Variants in CDKL4 observed in about 807,000 individuals in gnomAD.
CDKL4 encodes the protein cyclin-dependent kinase-like 4.
CDKL4 carries 44 observed loss-of-function variants against 42.0 expected under a neutral mutation model. The ratio of observed to expected loss-of-function variants is 1.05; its 90% confidence interval spans 0.82 to 1.35. The LOEUF (loss-of-function observed/expected upper bound fraction) is 1.35, where lower values mean the gene tolerates loss of function less well. Ranked by LOEUF, CDKL4 falls within the 40% of genes most tolerant of loss-of-function variation. The pLI is 0.00. For missense variants in CDKL4, 393 were observed against 369.9 expected (o/e 1.06, Z -0.51); for synonymous variants, 120 against 121.6 (o/e 0.99, Z 0.09).
intron 3 of CDKL4, among the ~76,000 whole-genome samples, chr2:39,218,812 G>A (rs776941401): frequency 5.3e-5 from 8 of 152,090 alleles, no homozygotes; most frequent in Admixed American, 5.2e-4. Flanking sequence ...TTAGACCATC[G>A]GCTTTCCTGG....
chr2:39,168,339 A>G, the CDKL4 span, among the ~76,000 whole-genome samples: 1 of 152,250 alleles, frequency 6.6e-6, no homozygotes, highest in African/African-American at 2.4e-5. Context: ...TAGTGTTCAT[A>G]ACAGAAAGAA....
At chr2:39,175,060 T>C (rs1369222513), downstream of CDKL4, among the ~76,000 whole-genome samples, 1 of 152,054 alleles carries the variant, frequency 6.6e-6, no homozygotes, top group African/African-American at 2.4e-5. Context: ...TTGTAAGAGA[T>C]ATGAAATAAT....
upstream of CDKL4, among the ~76,000 whole-genome samples, chr2:39,244,514 G>T (rs1679824227): frequency 6.6e-6 from 1 of 152,238 alleles, no homozygotes; most frequent in South Asian, 2.1e-4. Context: ...CCTTCCTGCG[G>T]GGCAGGGCTT....
chr2:39,200,004 A>G (rs1361275385), intron 5 of CDKL4, among the ~76,000 whole-genome samples: 1 of 152,136 alleles, frequency 6.6e-6, no homozygotes, highest in Non-Finnish European at 1.5e-5. Context: ...CAGACAAGAG[A>G]AAAAAATAAA....
upstream of CDKL4, among the ~76,000 whole-genome samples, chr2:39,244,528 A>C (rs1351714279): frequency 6.6e-6 from 1 of 152,082 alleles, no homozygotes; most frequent in Non-Finnish European, 1.5e-5. Context: ...AGGGCTTGGG[A>C]CCTGCAGCCC....
chr2:39,178,988 T>G, intron 9 of CDKL4, 199 bp downstream of exon 9: 1 of 1,421,638 alleles, frequency 7.0e-7, no homozygotes, highest in Middle Eastern at 2.6e-4. Flanking sequence ...TGGAATAAGA[T>G]TTTTGCAATA....
intron 5 of CDKL4, among the ~76,000 whole-genome samples, chr2:39,197,697 C>G (rs531910985): frequency 6.6e-6 from 1 of 152,118 alleles, no homozygotes; most frequent in African/African-American, 2.4e-5. Context: ...CCTCCTTAAA[C>G]AAAACAATTA....
At chr2:39,241,928 A>G (rs1278528648) in intron 1 of CDKL4, among the ~76,000 whole-genome samples, 4 of 152,252 alleles carry the variant, frequency 2.6e-5, no homozygotes, top group African/African-American at 7.2e-5. Flanking sequence ...CAAAGGCAAT[A>G]AGTACATTTT....
chr2:39,189,111 A>G (rs372995813), intron 6 of CDKL4, among the ~76,000 whole-genome samples: 1 of 152,198 alleles, frequency 6.6e-6, no homozygotes, highest in Non-Finnish European at 1.5e-5. Context: ...CACATTTTTC[A>G]TGCTGCAGAA....
intron 5 of CDKL4, among the ~76,000 whole-genome samples, chr2:39,203,423 G>T (rs891165931): frequency 6.6e-6 from 1 of 151,938 alleles, no homozygotes. Context: ...TGACAATTGG[G>T]TATTTTGGTG....
chr2:39,183,019 C>T (rs551046908), intron 8 of CDKL4, among the ~76,000 whole-genome samples: 5 of 152,184 alleles, frequency 3.3e-5, no homozygotes, highest in African/African-American at 7.2e-5. Flanking sequence ...CAGTGGCTTA[C>T]GCCTGTAATC....
intron 3 of CDKL4, among the ~76,000 whole-genome samples, chr2:39,213,811 C>G (rs1159681029): frequency 6.6e-6 from 1 of 152,020 alleles, no homozygotes; most frequent in Non-Finnish European, 1.5e-5. Flanking sequence ...TCTTGCTACC[C>G]CAAAATAACT....
downstream of CDKL4, among the ~76,000 whole-genome samples, chr2:39,173,573 G>T (rs1675056845): frequency 6.6e-6 from 1 of 152,140 alleles, no homozygotes; most frequent in African/African-American, 2.4e-5. Flanking sequence ...ACTTTGGGAG[G>T]CCGAGATGGG....
At chr2:39,243,113 CAAAAAAAAAAAAAAAAAAAAAAAAA>C (rs57132937) in intron 1 of CDKL4, among the ~76,000 whole-genome samples, 9 of 38,420 alleles carry the variant, frequency 2.3e-4, no homozygotes, top group Non-Finnish European at 3.1e-4. Flanking sequence ...GACCCTGTCT[CAAAAAAAAAAAAAAAAAAAAAAAAA>C]AAAAAAAAAA....
At chr2:39,198,555 C>T (rs755722773) in intron 5 of CDKL4, among the ~76,000 whole-genome samples, 3 of 152,068 alleles carry the variant, frequency 2.0e-5, no homozygotes, top group Non-Finnish European at 4.4e-5. Flanking sequence ...TTCATCAACA[C>T]ATGGAACATC....
intron 5 of CDKL4, among the ~76,000 whole-genome samples, chr2:39,203,140 G>A (rs1421735719): frequency 1.3e-5 from 2 of 152,100 alleles, no homozygotes; most frequent in Non-Finnish European, 2.9e-5. Context: ...GACTATGTTT[G>A]CTACAGGAAA....
intron 8 of CDKL4, among the ~76,000 whole-genome samples, chr2:39,183,678 C>A (rs558420958): frequency 6.6e-6 from 1 of 152,164 alleles, no homozygotes; most frequent in Non-Finnish European, 1.5e-5. Flanking sequence ...CTGTCAAGAA[C>A]AAGGTCAGGG....
chr2:39,178,895 A>G, intron 9 of CDKL4: 1 of 1,461,838 alleles, frequency 6.8e-7, no homozygotes, highest in Non-Finnish European at 9.0e-7. Flanking sequence ...TGAAGTTGTT[A>G]TATTATGGGT....
rs557901755 is a variant in CDKL4 at position 39,241,506 on chromosome 2, C to T, written c.-57+2365G>A. Among the ~76,000 whole-genome samples, 4 of 152,190 alleles carry T rather than the reference C, an allele frequency of 2.6e-5. No homozygotes were observed. In the South Asian group the frequency reaches 6.2e-4, roughly 24 times the overall value. Reference sequence around the variant, plus strand: ...ATCCTTTCTCAGAAATGTCTTATGGCCTCAAATGCCACAGAATAAAGTTCA... The same window carrying T: ...ATCCTTTCTCAGAAATGTCTTATGGTCTCAAATGCCACAGAATAAAGTTCA... On this transcript the variant is annotated intron_variant, in intron 1 of 9. Coordinates refer to ENST00000451199, the Ensembl canonical transcript of CDKL4.
Sources: gnomAD v4.1 joint callset for allele counts (sites outside exome capture counted in the v4.1 genomes callset) on GRCh38, gnomAD v4.1.1 for gene constraint, MANE v1.5 for transcripts, NCBI Gene and HGNC (gene_info 2026-07-23, HGNC 2026-07-21) for gene names.